Variants in FAM118A observed in about 807,000 individuals in gnomAD.
The protein encoded by FAM118A is protein FAM118A.
A neutral mutation model predicts 38.2 loss-of-function variants in FAM118A; 25 were observed. That is an observed-to-expected ratio of 0.65 (90% CI 0.48 to 0.91). The LOEUF is 0.91. FAM118A is among the 40% of genes least tolerant of loss of function. FAM118A has a pLI of 0.00. For synonymous variants in FAM118A, 178 were observed against 184.1 expected (o/e 0.97, Z 0.27); for missense variants, 425 against 463.3 (o/e 0.92, Z 0.76).
intron 5 of FAM118A, 33 bp downstream of exon 5, chr22:45,330,764 C>T: frequency 6.7e-7 from 1 of 1,489,020 alleles, no homozygotes; most frequent in Non-Finnish European, 8.9e-7. Context: ...TCGGTGCGTC[C>T]TCTCAGGGAT....
At chr22:45,329,378 A>G (rs1055544066) in intron 4 of FAM118A, 2 of 152,222 alleles carry the variant, frequency 1.3e-5, no homozygotes, top group South Asian at 2.1e-4. Context: ...TATCTTGCCA[A>G]CACATGGTGT....
intron 4 of FAM118A, 112 bp from the exon 5 acceptor site, chr22:45,330,488 CGAT>C: frequency 8.5e-7 from 1 of 1,181,782 alleles, no homozygotes; most frequent in South Asian, 2.1e-5. Context: ...AAGCATCTCT[CGAT>C]GATTCTTTCC....
At chr22:45,332,320 C>T in intron 5 of FAM118A, 105 bp from the exon 6 acceptor site, 2 of 1,246,768 alleles carry the variant, frequency 1.6e-6, no homozygotes, top group Non-Finnish European at 2.3e-6. Flanking sequence ...CTGGGAACGC[C>T]TGTCAGGGAG....
intron 1 of FAM118A, among the ~76,000 whole-genome samples, chr22:45,316,588 T>G (rs1476153788): frequency 6.6e-6 from 1 of 152,186 alleles, no homozygotes; most frequent in Non-Finnish European, 1.5e-5. Context: ...CAGAATGCAG[T>G]GGATAGATTC....
At chr22:45,316,722 C>T (rs911338757) in intron 1 of FAM118A, among the ~76,000 whole-genome samples, 3 of 152,156 alleles carry the variant, frequency 2.0e-5, no homozygotes, top group African/African-American at 4.8e-5. Context: ...TAGTGTGAGG[C>T]GCTTTTGTCA....
At chr22:45,336,269 T>G in intron 7 of FAM118A, 59 bp from the exon 8 acceptor site, 1 of 1,403,344 alleles carries the variant, frequency 7.1e-7, no homozygotes, top group South Asian at 1.2e-5. Flanking sequence ...CATTATGAAC[T>G]GTGCCTTGGC....
At chr22:45,314,315 T>G (rs1569119407) in intron 1 of FAM118A, among the ~76,000 whole-genome samples, 2 of 152,238 alleles carry the variant, frequency 1.3e-5, no homozygotes, top group Non-Finnish European at 2.9e-5. Context: ...TCTATCTGCC[T>G]AATGGCAACT....
chr22:45,338,181 T>G (rs2086235959), intron 8 of FAM118A, among the ~76,000 whole-genome samples: 1 of 152,202 alleles, frequency 6.6e-6, no homozygotes, highest in Non-Finnish European at 1.5e-5. Flanking sequence ...GTCATACTAG[T>G]TGGGATTGCC....
chr22:45,340,301 C>A, intron 8 of FAM118A, 85 bp from the exon 9 acceptor site: 2 of 1,500,104 alleles, frequency 1.3e-6, no homozygotes, highest in Non-Finnish European at 1.9e-6. Flanking sequence ...AATTGTAAAG[C>A]AGTTTCTGAA....
chr22:45,328,840 G>A, intron 4 of FAM118A: 1 of 189,996 alleles, frequency 5.3e-6, no homozygotes. Flanking sequence ...GAAAAGAGCT[G>A]TAATTGGCTC....
chr22:45,312,150 G>C (rs112702240), intron 1 of FAM118A, among the ~76,000 whole-genome samples: 1 of 152,142 alleles, frequency 6.6e-6, no homozygotes, highest in Non-Finnish European at 1.5e-5. Context: ...CAAATGTGAG[G>C]AGAGGTTTCT....
chr22:45,335,505 A>G, intron 7 of FAM118A, 123 bp downstream of exon 7: 2 of 1,098,476 alleles, frequency 1.8e-6, no homozygotes, highest in South Asian at 2.8e-5. Flanking sequence ...GTATTAAAAC[A>G]GCCCCACTGA....
intron 7 of FAM118A, among the ~76,000 whole-genome samples, chr22:45,335,641 C>T (rs965288776): frequency 6.6e-6 from 1 of 152,144 alleles, no homozygotes; most frequent in Non-Finnish European, 1.5e-5. Flanking sequence ...AATTTCTTGC[C>T]CTAGAACCAA....
At chr22:45,326,012 C>T (rs973633774) in intron 3 of FAM118A, among the ~76,000 whole-genome samples, 5 of 151,926 alleles carry the variant, frequency 3.3e-5, no homozygotes, top group African/African-American at 7.3e-5. Context: ...AGAGCTGTGG[C>T]GATGAGTGGG....
intron 8 of FAM118A, among the ~76,000 whole-genome samples, chr22:45,337,005 T>C (rs2086150256): frequency 6.6e-6 from 1 of 152,248 alleles, no homozygotes; most frequent in Non-Finnish European, 1.5e-5. Context: ...CTGTTGACGC[T>C]ATGAAGGGCG....
chr22:45,335,313 G>A (rs760761524), intron 6 of FAM118A, 37 bp from the exon 7 acceptor site: 1 of 1,613,826 alleles, frequency 6.2e-7, no homozygotes, highest in South Asian at 1.1e-5. Context: ...AGCTCTTGGT[G>A]TCTCGGCTCC....
At chr22:45,315,762 C>G (rs1399762679) in intron 1 of FAM118A, among the ~76,000 whole-genome samples, 2 of 152,092 alleles carry the variant, frequency 1.3e-5, no homozygotes, top group Non-Finnish European at 2.9e-5. Flanking sequence ...AGAGGTCTAC[C>G]TGGCTGGGGA....
At chr22:45,333,247 TG>T (rs1301111183) in intron 6 of FAM118A, among the ~76,000 whole-genome samples, 1 of 152,182 alleles carries the variant, frequency 6.6e-6, no homozygotes, top group African/African-American at 2.4e-5. Context: ...AACTTCAGGC[TG>T]GGCACCGTGG....
At chr22:45,340,356 C>G (rs760338537) in intron 8 of FAM118A, 30 bp from the exon 9 acceptor site, 1 of 1,613,686 alleles carries the variant, frequency 6.2e-7, no homozygotes. Flanking sequence ...GACTTTAACC[C>G]TTGGGCATTT....
Sources: allele counts gnomAD v4.1 joint callset (sites outside exome capture counted in the v4.1 genomes callset), GRCh38; gene constraint gnomAD v4.1.1; transcripts MANE v1.5; gene names NCBI Gene and HGNC (gene_info 2026-07-23, HGNC 2026-07-21).